Variants in VPS13B observed in about 807,000 individuals in gnomAD.
VPS13B encodes vacuolar protein sorting 13 homolog B, also known as intermembrane lipid transfer protein VPS13B.
VPS13B carries 285 observed loss-of-function variants against 426.4 expected under a neutral mutation model. That is an observed-to-expected ratio of 0.67 (90% CI 0.61 to 0.74). The LOEUF (loss-of-function observed/expected upper bound fraction) is 0.74, where lower values mean the gene tolerates loss of function less well. Ranked by LOEUF, VPS13B falls within the 30% of genes least tolerant of loss-of-function variation. VPS13B has a pLI of 0.00. For synonymous variants in VPS13B, 1,676 were observed against 1,676.4 expected, an observed-to-expected ratio of 1.00 and a Z score of 0.01; for missense variants, 4,537 against 4,782.6, an observed-to-expected ratio of 0.95 and a Z score of 1.51.
At chr8:99,082,146 G>T (rs370114438) in intron 3 of VPS13B, among the ~76,000 whole-genome samples, 4 of 152,164 alleles carry the variant, frequency 2.6e-5, no homozygotes, top group East Asian at 1.9e-4. Flanking sequence ...TTTTTAATGA[G>T]TGCCATTCTA....
intron 23 of VPS13B, among the ~76,000 whole-genome samples, chr8:99,446,959 T>G (rs1287199199): frequency 6.6e-6 from 1 of 152,184 alleles, no homozygotes; most frequent in Non-Finnish European, 1.5e-5. Flanking sequence ...TAGGATATTC[T>G]TTTTATCTTG....
intron 48 of VPS13B, 147 bp from the exon 49 acceptor site, chr8:99,819,774 C>A (rs1814261580): frequency 2.4e-6 from 3 of 1,251,216 alleles, no homozygotes; most frequent in African/African-American, 1.5e-5. Flanking sequence ...AAGTTGCTTT[C>A]TCCTGCATGC....
At chr8:99,752,159 A>G (rs1028784817) in intron 39 of VPS13B, among the ~76,000 whole-genome samples, 33 of 152,166 alleles carry the variant, frequency 2.2e-4, no homozygotes, top group Admixed American at 3.3e-4. Flanking sequence ...CTGGGCAAAC[A>G]TAGCAAGACT....
At chr8:99,475,655 T>G (rs1033850170) in intron 24 of VPS13B, among the ~76,000 whole-genome samples, 16 of 152,224 alleles carry the variant, frequency 1.1e-4, no homozygotes, top group Admixed American at 7.9e-4. Flanking sequence ...ATTTTGTTGT[T>G]GTTTAAATGT....
At chr8:99,612,347 G>A (rs1450578428) in intron 33 of VPS13B, among the ~76,000 whole-genome samples, 1 of 152,032 alleles carries the variant, frequency 6.6e-6, no homozygotes, top group Non-Finnish European at 1.5e-5. Context: ...CACAATTCTT[G>A]GTACACAAAA....
intron 17 of VPS13B, among the ~76,000 whole-genome samples, chr8:99,207,901 A>G (rs561178826): frequency 1.3e-5 from 2 of 152,326 alleles, no homozygotes; most frequent in African/African-American, 4.8e-5. Flanking sequence ...GCTAACAAGA[A>G]ATAGACATGA....
chr8:99,135,012 T>C lies in VPS13B; in HGVS notation c.1303-3T>C, dbSNP rs1464515241. On this transcript the variant is annotated splice_polypyrimidine_tract_variant and splice_region_variant and intron_variant, in intron 9 of 61. Coordinates refer to ENST00000357162, the MANE Select transcript of VPS13B (RefSeq NM_152564.5). ...AGTTCTAATGTTTCCTTTCGTCTTA[T>C]AGGCCCTTATGATGGGAGAACCTTT... 1.2e-6 allele frequency: 2 copies of C among 1,613,500 alleles called. No homozygotes were observed. Among genetic ancestry groups the C allele is most frequent in the Non-Finnish European group, 1.7e-6 (2 of 1,179,528 alleles).
Position 99,720,332 on chromosome 8 carries a change from T to G in VPS13B, c.6658-13T>G, listed in dbSNP as rs369117364. The G allele has an allele frequency of 1.9e-6, 3 of 1,608,974 alleles. No homozygotes were observed. Among genetic ancestry groups the G allele is most frequent in the Non-Finnish European group, 2.5e-6 (3 of 1,177,578 alleles). ...TATTTAAAAGCTACTAGAATTTTTTTATGATTTTAAAGGTCTTCTGGGGTC... is the reference window on the plus strand; with the variant it reads ...TATTTAAAAGCTACTAGAATTTTTTGATGATTTTAAAGGTCTTCTGGGGTC... On this transcript the variant is annotated splice_polypyrimidine_tract_variant and intron_variant, in intron 37 of 61. Coordinates refer to ENST00000357162, the MANE Select transcript of VPS13B (RefSeq NM_152564.5).
At chr8:99,090,025 G>A (rs552081960) in intron 3 of VPS13B, among the ~76,000 whole-genome samples, 4 of 152,130 alleles carry the variant, frequency 2.6e-5, no homozygotes, top group African/African-American at 9.6e-5. Context: ...AAGGAGAGGC[G>A]GGTATAATGA....
At position 99,835,235 on chromosome 8, in the gene VPS13B, CTTAT is replaced by C; in HGVS notation, c.9657_9660del (p.Tyr3219Ter). The C allele has an allele frequency of 6.2e-7, 1 of 1,613,938 alleles. No homozygotes were observed. The highest frequency in any genetic ancestry group is 8.5e-7 in the Non-Finnish European group (1 of 1,179,964). On this transcript the variant is annotated frameshift_variant, in exon 53 of 62. Coordinates refer to ENST00000357162, the MANE Select transcript of VPS13B (RefSeq NM_152564.5). LOFTEE classifies it high-confidence loss of function. ...ACATATCAAGAACACCTCGGAGTGA[CTTAT>C]TTAACCCTCTCAGAAGACCCTAGTC...
At position 99,025,893 on chromosome 8, in the gene VPS13B, G is replaced by A. The variant is rs543687530; in HGVS notation, c.147+11958G>A. The stretch of plus-strand genomic sequence containing the variant: ...CGATCCTTTGTATTTCTGTGGTTTG[G>A]TCTCTTTTTTTCTTAGTCTGTGTAA... On this transcript the variant is annotated intron_variant, in intron 2 of 61. Transcript: ENST00000357162. 1.8e-4 allele frequency among the ~76,000 whole-genome samples: 28 copies of A among 151,900 alleles called. 1 individual carries two copies. The highest frequency in any genetic ancestry group is 6.8e-4 in the African/African-American group (28 of 41,468).
intron 27 of VPS13B, 121 bp from the exon 28 acceptor site, chr8:99,507,016 T>G: frequency 3.0e-6 from 3 of 1,013,780 alleles, no homozygotes; most frequent in East Asian, 2.5e-5. Flanking sequence ...CATTGTCAGA[T>G]TTATGTTTTA....
chr8:99,645,259 A>G (rs1260762097), intron 34 of VPS13B, among the ~76,000 whole-genome samples: 1 of 152,206 alleles, frequency 6.6e-6, no homozygotes, highest in African/African-American at 2.4e-5. Context: ...TCTGTCACTT[A>G]TATGTATACC....
At chr8:99,857,964 G>A (rs890845510) in intron 56 of VPS13B, among the ~76,000 whole-genome samples, 2 of 152,142 alleles carry the variant, frequency 1.3e-5, no homozygotes, top group Non-Finnish European at 2.9e-5. Flanking sequence ...ATTTAAGAGC[G>A]TCCCTCTCTT....
At chr8:99,756,692 T>A (rs1810658952) in intron 39 of VPS13B, among the ~76,000 whole-genome samples, 2 of 152,150 alleles carry the variant, frequency 1.3e-5, no homozygotes, top group African/African-American at 4.8e-5. Context: ...TTCAAAGTGC[T>A]GAAATAAAAA....
intron 55 of VPS13B, among the ~76,000 whole-genome samples, chr8:99,851,775 C>T (rs968077401): frequency 1.1e-4 from 16 of 151,946 alleles, no homozygotes; most frequent in Admixed American, 2.0e-4. Flanking sequence ...AGGAGGGAGA[C>T]CTCATGGGCC....
At chr8:99,554,873 G>T (rs1355509116) in intron 30 of VPS13B, among the ~76,000 whole-genome samples, 1 of 151,958 alleles carries the variant, frequency 6.6e-6, no homozygotes, top group African/African-American at 2.4e-5. Flanking sequence ...AAGGATTAAT[G>T]GCCCACTTAT....
At chr8:99,217,223 G>T (rs1815438382) in intron 17 of VPS13B, among the ~76,000 whole-genome samples, 1 of 152,082 alleles carries the variant, frequency 6.6e-6, no homozygotes, top group South Asian at 2.1e-4. Context: ...TGATTATCGT[G>T]TGCCTGGCAC....
rs567458226 is a variant in VPS13B, at chr8:99,581,110, G to T, written c.5220+3477G>T. On this transcript the variant is annotated intron_variant, in intron 33 of 61. Transcript: ENST00000357162. Reference sequence around the variant, plus strand: ...AGGCAGGAGGATCACTTGAACCTGGGAGGTCGAGGCTGCAGTGAGCCAAGA... The same window carrying T: ...AGGCAGGAGGATCACTTGAACCTGGTAGGTCGAGGCTGCAGTGAGCCAAGA... Among the ~76,000 whole-genome samples, 17 of 151,734 alleles carry T rather than the reference G, an allele frequency of 1.1e-4. No individual in the cohort carries two copies. In the South Asian group the frequency reaches 3.5e-3, roughly 32 times the overall value.
Sources: gnomAD v4.1 joint callset for allele counts (sites outside exome capture counted in the v4.1 genomes callset) on GRCh38, gnomAD v4.1.1 for gene constraint, MANE v1.5 for transcripts, NCBI Gene and HGNC (gene_info 2026-07-23, HGNC 2026-07-21) for gene names.